Variants in IQGAP2 observed in about 807,000 individuals in gnomAD.
IQGAP2 encodes IQ motif containing GTPase activating protein 2, also known as ras GTPase-activating-like protein IQGAP2.
Under a neutral mutation model 201.3 loss-of-function variants are expected in IQGAP2, and 173 were observed. The ratio of observed to expected loss-of-function variants is 0.86; its 90% confidence interval spans 0.76 to 0.98. IQGAP2 has a LOEUF of 0.98. Ranked by LOEUF, IQGAP2 falls within the 50% of genes least tolerant of loss-of-function variation. The probability of loss-of-function intolerance (pLI) is 0.00; values close to 1 mark genes in which losing one functional copy is unlikely to be tolerated. For synonymous variants in IQGAP2, 675 were observed against 673.9 expected, an observed-to-expected ratio of 1.00 and a Z score of -0.03; for missense variants, 1,687 against 1,864.8, an observed-to-expected ratio of 0.90 and a Z score of 1.76.
chr5:76,589,020 G>C (rs75749150), intron 6 of IQGAP2, 47 bp downstream of exon 6: 1 of 1,354,058 alleles, frequency 7.4e-7, no homozygotes, highest in Non-Finnish European at 1.1e-6. Flanking sequence ...GTTATAAAAA[G>C]TACCAATACC....
chr5:76,526,304 A>G (rs1308498109), intron 2 of IQGAP2, among the ~76,000 whole-genome samples: 1 of 152,180 alleles, frequency 6.6e-6, no homozygotes, highest in African/African-American at 2.4e-5. Context: ...TTTGGCAGTG[A>G]TAGAATAAAA....
chr5:76,411,042 A>T (rs1044708047), intron 1 of IQGAP2, among the ~76,000 whole-genome samples: 5 of 152,214 alleles, frequency 3.3e-5, no homozygotes, highest in Admixed American at 3.3e-4. Context: ...ACAGCAGCGG[A>T]GCATCTCCTG....
At chr5:76,557,031 A>G (rs896751618) in intron 2 of IQGAP2, among the ~76,000 whole-genome samples, 7 of 152,216 alleles carry the variant, frequency 4.6e-5, no homozygotes, top group African/African-American at 1.7e-4. Context: ...TGAATATACT[A>G]TCTTCTGACC....
At chr5:76,413,420 C>T (rs151198495) in intron 1 of IQGAP2, among the ~76,000 whole-genome samples, 5,101 of 152,210 alleles carry the variant, frequency 0.034, 195 homozygotes, top group Admixed American at 0.13. Context: ...CCATCCGTCT[C>T]GGCCTCTGAA....
At chr5:76,462,924 C>G (rs1222900372) in intron 2 of IQGAP2, among the ~76,000 whole-genome samples, 4 of 151,868 alleles carry the variant, frequency 2.6e-5, no homozygotes, top group African/African-American at 9.7e-5. Context: ...AGTCTAAGAT[C>G]ATTAAAAACA....
intron 20 of IQGAP2, 127 bp from the exon 21 acceptor site, chr5:76,658,332 T>G: frequency 1.3e-6 from 1 of 772,028 alleles, no homozygotes; most frequent in South Asian, 1.6e-5. Flanking sequence ...GGTAGAATGA[T>G]TCTCACCCTA....
chr5:76,641,065 T>C lies in IQGAP2; in HGVS notation c.2056T>C (p.Phe686Leu), dbSNP rs368456798. 3.0e-5 allele frequency: 49 copies of C among 1,607,786 alleles called. No homozygotes were observed. Among genetic ancestry groups the C allele is most frequent in the Non-Finnish European group, 4.0e-5 (47 of 1,174,996 alleles). Reference sequence around the variant, plus strand: ...GGAAGAGTTTGAAGCTAGAAAATCATTTTTGCATGAACAAGAAGAGAATGT... The same window carrying C: ...GGAAGAGTTTGAAGCTAGAAAATCACTTTTGCATGAACAAGAAGAGAATGT... ...LREEFEARKSFLHEQEENVVK... is the reference protein window; with the variant it reads ...LREEFEARKSLLHEQEENVVK... Residue 686 changes from phenylalanine to leucine, a missense_variant, in exon 17 of 36, where the codon TTT (phenylalanine) becomes CTT (leucine). Transcript: ENST00000274364.
At chr5:76,642,765 C>A (rs1244262630) in intron 17 of IQGAP2, among the ~76,000 whole-genome samples, 1 of 152,154 alleles carries the variant, frequency 6.6e-6, no homozygotes, top group Non-Finnish European at 1.5e-5. Flanking sequence ...GAGAGAAATA[C>A]AAAGGCAAAA....
intron 2 of IQGAP2, among the ~76,000 whole-genome samples, chr5:76,493,463 G>A (rs1294885541): frequency 1.3e-5 from 2 of 151,826 alleles, no homozygotes; most frequent in Admixed American, 6.6e-5. Context: ...ATTTACAATT[G>A]TAACCTGTCC....
intron 2 of IQGAP2, among the ~76,000 whole-genome samples, chr5:76,488,675 G>A (rs1756325090): frequency 6.6e-6 from 1 of 152,192 alleles, no homozygotes; most frequent in Non-Finnish European, 1.5e-5. Flanking sequence ...GCTTCAGTAA[G>A]GGAGGTACGA....
At position 76,496,769 on chromosome 5, in the gene IQGAP2, CTTTCTTTCTT is replaced by C. The variant is rs1486514148; in HGVS notation, c.146+35102_146+35111del. 4.1e-3 allele frequency among the ~76,000 whole-genome samples: 300 copies of C among 72,916 alleles called. 3 individuals are homozygous for C. Among genetic ancestry groups the C allele is most frequent in the African/African-American group, 0.018 (290 of 16,192 alleles). 47.8% of individuals were successfully genotyped at this position (72,916 alleles called of 152,430 possible). On this transcript the variant is annotated intron_variant, in intron 2 of 35. Transcript: ENST00000274364. ...TCTTTCTTTCTTTCTTTCTTTCTTT[CTTTCTTTCTT>C]TCTTTCTTTCTTTCTCTTTCTTTCT... is the stretch of plus-strand genomic sequence containing the variant.
intron 3 of IQGAP2, among the ~76,000 whole-genome samples, chr5:76,568,426 A>G (rs1744896028): frequency 6.6e-6 from 1 of 152,184 alleles, no homozygotes; most frequent in Non-Finnish European, 1.5e-5. Flanking sequence ...TCTCAGATTA[A>G]TCTCTGCAAC....
chr5:76,576,416 T>A (rs1025524451), intron 5 of IQGAP2, among the ~76,000 whole-genome samples: 15 of 152,346 alleles, frequency 9.8e-5, no homozygotes, highest in African/African-American at 3.4e-4. Flanking sequence ...GGAAGAAATG[T>A]GATTTTTAGA....
At chr5:76,514,642 C>T (rs1323638428) in intron 2 of IQGAP2, among the ~76,000 whole-genome samples, 3 of 152,230 alleles carry the variant, frequency 2.0e-5, no homozygotes, top group East Asian at 1.9e-4. Flanking sequence ...TCTGAAATCT[C>T]GTTAGAAGCA....
intron 1 of IQGAP2, among the ~76,000 whole-genome samples, chr5:76,436,414 G>A (rs1752650720): frequency 7.7e-6 from 1 of 129,642 alleles, no homozygotes; most frequent in Non-Finnish European, 1.6e-5. Flanking sequence ...TTTGTTGAGG[G>A]TTTTTATCAT....
chr5:76,500,581 G>T (rs1176596283), intron 2 of IQGAP2, among the ~76,000 whole-genome samples: 1 of 152,084 alleles, frequency 6.6e-6, no homozygotes, highest in Admixed American at 6.6e-5. Context: ...TAAATATACG[G>T]GTACCACTTT....
intron 13 of IQGAP2, among the ~76,000 whole-genome samples, chr5:76,626,064 A>G (rs1750190513): frequency 6.6e-6 from 1 of 152,190 alleles, no homozygotes; most frequent in African/African-American, 2.4e-5. Flanking sequence ...ATATTTACCT[A>G]TAATAGGAAT....
intron 1 of IQGAP2, among the ~76,000 whole-genome samples, chr5:76,424,475 T>C (rs1039538851): frequency 6.6e-6 from 1 of 151,698 alleles, no homozygotes; most frequent in African/African-American, 2.4e-5. Context: ...GCCCGGCTCA[T>C]TTTGTATTTT....
intron 28 of IQGAP2, among the ~76,000 whole-genome samples, chr5:76,682,652 G>T (rs779112454): frequency 5.3e-5 from 8 of 152,112 alleles, no homozygotes; most frequent in Non-Finnish European, 8.8e-5. Context: ...CCTTACCCAT[G>T]AGAGATCTTC....
Sources: allele counts gnomAD v4.1 joint callset (sites outside exome capture counted in the v4.1 genomes callset), GRCh38; gene constraint gnomAD v4.1.1; transcripts MANE v1.5; gene names NCBI Gene and HGNC (gene_info 2026-07-23, HGNC 2026-07-21).